Variants in DRC8 observed in about 807,000 individuals in gnomAD.
The protein encoded by DRC8 is dynein regulatory complex subunit 8.
At chr1:245,003,889 C>T in the DRC8 span, among the ~76,000 whole-genome samples, 2 of 152,152 alleles carry the variant, frequency 1.3e-5, no homozygotes, top group Non-Finnish European at 1.5e-5. Flanking sequence ...CAGGTGTGAA[C>T]TACCGCCTGT....
the DRC8 span, among the ~76,000 whole-genome samples, chr1:245,109,301 A>C: frequency 6.6e-6 from 1 of 152,282 alleles, no homozygotes; most frequent in East Asian, 1.9e-4. Flanking sequence ...CAAGCCAGCT[A>C]TTGCAATGGA....
the DRC8 span, among the ~76,000 whole-genome samples, chr1:245,076,129 T>A: frequency 6.6e-6 from 1 of 152,230 alleles, no homozygotes; most frequent in Non-Finnish European, 1.5e-5. Flanking sequence ...CAGGTGGGTC[T>A]ACACTGTGGG....
At chr1:245,012,409 A>G in the DRC8 span, among the ~76,000 whole-genome samples, 2 of 151,812 alleles carry the variant, frequency 1.3e-5, no homozygotes, top group Admixed American at 6.6e-5. Context: ...GGCCAGTGCC[A>G]TGAGTCATGA....
the DRC8 span, among the ~76,000 whole-genome samples, chr1:245,057,017 C>T: frequency 5.3e-4 from 80 of 151,850 alleles, no homozygotes; most frequent in African/African-American, 1.7e-3. Flanking sequence ...TGAGAATCAG[C>T]TCACCCTTCC....
the DRC8 span, among the ~76,000 whole-genome samples, chr1:245,104,758 A>G: frequency 6.6e-6 from 1 of 152,084 alleles, no homozygotes; most frequent in African/African-American, 2.4e-5. Flanking sequence ...TCCCCACACA[A>G]CCATTAAACC....
the DRC8 span, among the ~76,000 whole-genome samples, chr1:245,040,582 A>T: frequency 3.3e-5 from 5 of 152,220 alleles, no homozygotes; most frequent in Non-Finnish European, 7.3e-5. Context: ...TTAGAATTAA[A>T]TGAGTGGATA....
the DRC8 span, among the ~76,000 whole-genome samples, chr1:245,051,171 C>T: frequency 6.6e-6 from 1 of 151,930 alleles, no homozygotes; most frequent in Non-Finnish European, 1.5e-5. Context: ...AGGAGGATTG[C>T]TTGATCCCAG....
At chr1:245,058,643 C>T in the DRC8 span, among the ~76,000 whole-genome samples, 6 of 152,260 alleles carry the variant, frequency 3.9e-5, no homozygotes, top group African/African-American at 7.2e-5. Context: ...GGAAGTATTT[C>T]GTAATCAATT....
chr1:245,075,003 T>C, the DRC8 span, among the ~76,000 whole-genome samples: 1 of 152,244 alleles, frequency 6.6e-6, no homozygotes, highest in Non-Finnish European at 1.5e-5. Flanking sequence ...GAAATGCAGA[T>C]GCTTTATAAA....
chr1:245,027,835 C>G, the DRC8 span, among the ~76,000 whole-genome samples: 1 of 142,598 alleles, frequency 7.0e-6, no homozygotes, highest in African/African-American at 2.6e-5. Flanking sequence ...TCCTTGAATT[C>G]TTTGATTTAT....
the DRC8 span, among the ~76,000 whole-genome samples, chr1:245,019,063 C>G: frequency 6.6e-6 from 1 of 152,194 alleles, no homozygotes; most frequent in South Asian, 2.1e-4. Flanking sequence ...TGATGCCAGG[C>G]CTTTTTTGGT....
chr1:245,089,778 G>A, the DRC8 span, among the ~76,000 whole-genome samples: 1 of 152,100 alleles, frequency 6.6e-6, no homozygotes, highest in African/African-American at 2.4e-5. The surrounding 1 kb of genome is among the most constrained non-coding windows in gnomAD (Gnocchi z 4.8). Context: ...GAAGATGGGT[G>A]GATGTAGCAA....
At chr1:245,074,880 T>C in the DRC8 span, among the ~76,000 whole-genome samples, 2 of 152,228 alleles carry the variant, frequency 1.3e-5, no homozygotes, top group African/African-American at 4.8e-5. Flanking sequence ...TCAAAATTTG[T>C]ATCTATACTA....
At chr1:245,122,451 C>G in the DRC8 span, 1 of 152,788 alleles carries the variant, frequency 6.5e-6, no homozygotes, top group Admixed American at 6.5e-5. Flanking sequence ...CCTCAACACT[C>G]ACCATCCCCT....
At chr1:245,069,495 G>A in the DRC8 span, among the ~76,000 whole-genome samples, 1 of 152,016 alleles carries the variant, frequency 6.6e-6, no homozygotes, top group Non-Finnish European at 1.5e-5. Flanking sequence ...TGGACCCATG[G>A]ATTTCAAACC....
At chr1:245,081,113 TTTTTA>T in the DRC8 span, among the ~76,000 whole-genome samples, 1 of 150,602 alleles carries the variant, frequency 6.6e-6, no homozygotes, top group Non-Finnish European at 1.5e-5. Context: ...TATTTTTTTA[TTTTTA>T]TTTTATTTTA....
chr1:244,975,484 A>G, the DRC8 span, among the ~76,000 whole-genome samples: 1 of 152,204 alleles, frequency 6.6e-6, no homozygotes, highest in African/African-American at 2.4e-5. Flanking sequence ...GGGGATAATT[A>G]TACCCCCAAT....
At chr1:245,078,262 C>G in the DRC8 span, among the ~76,000 whole-genome samples, 1 of 152,118 alleles carries the variant, frequency 6.6e-6, no homozygotes, top group Non-Finnish European at 1.5e-5. Context: ...CTACGGAAAA[C>G]AGTACGGGGG....
chr1:244,972,837 C>CA, the DRC8 span, among the ~76,000 whole-genome samples: 18 of 148,984 alleles, frequency 1.2e-4, no homozygotes, highest in African/African-American at 4.4e-4. Context: ...AAAACAAAAA[C>CA]AAAAAACAAA....
Sources: gnomAD v4.1 joint callset for allele counts (sites outside exome capture counted in the v4.1 genomes callset) on GRCh38, gnomAD v4.1.1 for gene constraint, Gnocchi (gnomAD v3.1) non-coding constraint, MANE v1.5 for transcripts, NCBI Gene and HGNC (gene_info 2026-07-23, HGNC 2026-07-21) for gene names.